The following ERP27 variants were observed in gnomAD, a reference collection of about 807,000 sequenced individuals.
ERP27 encodes endoplasmic reticulum protein 27.
Under a neutral mutation model 27.7 loss-of-function variants are expected in ERP27, and 23 were observed. The ratio of observed to expected loss-of-function variants is 0.83; its 90% CI spans 0.60 to 1.18. ERP27 has a LOEUF of 1.18. Among genes scored for constraint, ERP27 ranks in the 50% most tolerant of loss-of-function variants. The pLI is 0.00. For missense variants in ERP27, 363 were observed against 327.9 expected, an observed-to-expected ratio of 1.11 and a Z score of -0.83; for synonymous variants, 159 against 118.3, an observed-to-expected ratio of 1.34 and a Z score of -2.23.
intron 3 of ERP27, among the ~76,000 whole-genome samples, chr12:14,924,201 A>G (rs887469021): frequency 1.3e-5 from 2 of 152,234 alleles, no homozygotes; most frequent in African/African-American, 4.8e-5. Context: ...TACACATGAC[A>G]GAACTTCACT....
rs1863397953 is a variant in ERP27 at position 14,915,623 on chromosome 12, G to C, written c.640C>G (p.Leu214Val). 2 of 1,614,180 alleles carry C rather than the reference G, an allele frequency of 1.2e-6. No homozygotes were observed. The highest frequency in any genetic ancestry group is 1.3e-5 in the African/African-American group (1 of 75,058). Residue 214 changes from leucine to valine, a missense_variant, in exon 6 of 7, where the codon CTA (leucine) becomes GTA (valine). By Grantham distance (32) the Leu-to-Val change is conservative. Coordinates refer to ENST00000266397, the MANE Select transcript of ERP27 (RefSeq NM_152321.4). The stretch of plus-strand genomic sequence containing the variant: ...AAAGCTGGCAGTTGAGACTCCTTTA[G>C]TTTGAAAAATGATATCACCTTCCCA... ...ENGKVISFFK[L>V]KESQLPALAI...
chr12:14,918,496 T>G (rs1863449245), intron 4 of ERP27, among the ~76,000 whole-genome samples: 1 of 152,248 alleles, frequency 6.6e-6, no homozygotes. Flanking sequence ...TCCATGGCAC[T>G]GGTTCCCTTC....
chr12:14,917,316 A>C lies in ERP27; in HGVS notation c.451-13T>G. On this transcript the variant is annotated splice_polypyrimidine_tract_variant and intron_variant, in intron 4 of 6. Coordinates refer to ENST00000266397, the MANE Select transcript of ERP27 (RefSeq NM_152321.4). Reference sequence around the variant, plus strand: ...ACCCAATCACAGTCTGGCAAGTCGAAATGTGTTACAGTAGAGTGAAAGCGA... The same window carrying C: ...ACCCAATCACAGTCTGGCAAGTCGACATGTGTTACAGTAGAGTGAAAGCGA... 1 of 1,614,114 alleles carries C rather than the reference A, an allele frequency of 6.2e-7. No homozygotes were observed. The highest frequency in any genetic ancestry group is 1.3e-5 in the African/African-American group (1 of 75,048).
rs1863372180 is a variant in ERP27 at position 14,914,396 on chromosome 12, G to C, written c.*339C>G. 3.7e-6 allele frequency: 1 copy of C among 269,160 alleles called. No individual in the cohort carries two copies. The highest frequency in any genetic ancestry group is 1.3e-4 in the South Asian group (1 of 7,746). 16.7% of individuals were successfully genotyped at this position (269,160 alleles called of 1,614,324 possible). A position where few individuals can be genotyped will look rare whatever the true frequency, so the allele number is the denominator to read the frequency against. ...TCTCTAGGAATGCCTCTCTTTCATA[G>C]AGGCATCACAGTGAGTCTCTTAAAG... On this transcript the variant is annotated 3_prime_UTR_variant, in exon 7 of 7. Coordinates refer to ENST00000266397, the MANE Select transcript of ERP27 (RefSeq NM_152321.4).
At chr12:14,917,438 A>T in intron 4 of ERP27, 135 bp from the exon 5 acceptor site, 4 of 1,219,268 alleles carry the variant, frequency 3.3e-6, no homozygotes, top group Non-Finnish European at 4.7e-6. Context: ...AGCTTCCAAG[A>T]TGGCTCTCAG....
chr12:14,931,149 C>G (rs1362813684), intron 3 of ERP27, among the ~76,000 whole-genome samples: 1 of 149,142 alleles, frequency 6.7e-6, no homozygotes, highest in Non-Finnish European at 1.5e-5. Flanking sequence ...AAACCATTCT[C>G]TCATGGAAAT....
chr12:14,932,949 G>T (rs1039091354), intron 3 of ERP27, among the ~76,000 whole-genome samples: 3 of 152,174 alleles, frequency 2.0e-5, no homozygotes, highest in Non-Finnish European at 2.9e-5. Flanking sequence ...GTGCTTATGA[G>T]GGTATATACC....
chr12:14,917,436 A>C, intron 4 of ERP27, 133 bp from the exon 5 acceptor site: 1 of 1,230,006 alleles, frequency 8.1e-7, no homozygotes, highest in Non-Finnish European at 1.2e-6. Context: ...CTAGCTTCCA[A>C]GATGGCTCTC....
At chr12:14,936,561 C>T (rs917230821) in intron 2 of ERP27, among the ~76,000 whole-genome samples, 2 of 152,178 alleles carry the variant, frequency 1.3e-5, no homozygotes, top group Admixed American at 1.3e-4. Context: ...TATGGTTTGG[C>T]TGTGTCCTTA....
chr12:14,920,597 C>T (rs1247050503), intron 4 of ERP27, among the ~76,000 whole-genome samples: 1 of 152,114 alleles, frequency 6.6e-6, no homozygotes, highest in East Asian at 1.9e-4. Context: ...GTCTCAAACT[C>T]CTGGACACGA....
At chr12:14,932,472 G>A (rs1168232931) in intron 3 of ERP27, among the ~76,000 whole-genome samples, 1 of 152,328 alleles carries the variant, frequency 6.6e-6, no homozygotes, top group South Asian at 2.1e-4. Flanking sequence ...TGATCATTAT[G>A]TGTATAGTTG....
chr12:14,934,064 C>T (rs1454763235), intron 3 of ERP27, among the ~76,000 whole-genome samples: 2 of 152,186 alleles, frequency 1.3e-5, no homozygotes, highest in Admixed American at 1.3e-4. Context: ...AAGTGGTATT[C>T]TACTTTTTCC....
chr12:14,922,098 A>G (rs1324909650), intron 3 of ERP27, among the ~76,000 whole-genome samples: 2 of 152,224 alleles, frequency 1.3e-5, no homozygotes, highest in Non-Finnish European at 2.9e-5. Flanking sequence ...AGACAATGCC[A>G]TAATGAACAC....
intron 3 of ERP27, among the ~76,000 whole-genome samples, chr12:14,927,845 G>C (rs1863630001): frequency 6.6e-6 from 1 of 151,720 alleles, no homozygotes; most frequent in Non-Finnish European, 1.5e-5. Flanking sequence ...GGATTGTCTA[G>C]CTACATGATC....
At chr12:14,923,724 T>A (rs1863551152) in intron 3 of ERP27, among the ~76,000 whole-genome samples, 1 of 152,202 alleles carries the variant, frequency 6.6e-6, no homozygotes. Flanking sequence ...ATTTTACTTT[T>A]AACCTACTAT....
intron 3 of ERP27, among the ~76,000 whole-genome samples, chr12:14,931,403 T>C (rs1471306460): frequency 6.7e-6 from 1 of 148,936 alleles, no homozygotes; most frequent in South Asian, 2.1e-4. Context: ...TCTTGAATAA[T>C]GGTCCTATTA....
chr12:14,923,495 C>CAA (rs1863543881), intron 3 of ERP27, among the ~76,000 whole-genome samples: 6 of 146,512 alleles, frequency 4.1e-5, no homozygotes, highest in African/African-American at 1.0e-4. Context: ...TATAATCAAT[C>CAA]TATCTATCTA....
chr12:14,926,771 T>A (rs1214721334), intron 3 of ERP27, among the ~76,000 whole-genome samples: 2 of 152,226 alleles, frequency 1.3e-5, no homozygotes, highest in Non-Finnish European at 2.9e-5. Context: ...GACTTACACA[T>A]GATTAGTTCC....
chr12:14,923,524 T>TATCTATCTATC (rs1249947673), intron 3 of ERP27, among the ~76,000 whole-genome samples: 14 of 151,730 alleles, frequency 9.2e-5, no homozygotes, highest in African/African-American at 3.4e-4. Flanking sequence ...TCTATCTATC[T>TATCTATCTATC]ATCTATCTAT....
Sources: allele counts gnomAD v4.1 joint callset (sites outside exome capture counted in the v4.1 genomes callset), GRCh38; gene constraint gnomAD v4.1.1; transcripts MANE v1.5; gene names NCBI Gene and HGNC (gene_info 2026-07-23, HGNC 2026-07-21).